Variants in AFF4 observed in about 807,000 individuals in gnomAD.
The protein encoded by AFF4 is AF4/FMR2 family member 4.
A neutral mutation model predicts 124.8 loss-of-function variants in AFF4; 13 were observed. The observed-to-expected ratio is 0.10, with a 90% CI of 0.07 to 0.17. The LOEUF (loss-of-function observed/expected upper bound fraction) is 0.17. AFF4 is among the 10% of genes least tolerant of loss of function. The pLI, the probability that AFF4 is intolerant of heterozygous loss-of-function variation, is 1.00. For missense variants in AFF4, 1,092 were observed against 1,403.8 expected (o/e 0.78, Z 3.55); for synonymous variants, 477 against 496.1 (o/e 0.96, Z 0.51).
Position 132,886,406 on chromosome 5 carries a change from AG to A in AFF4, c.3006-4del. The A allele has an allele frequency of 6.2e-7, 1 of 1,613,466 alleles. No individual in the cohort carries two copies. The highest frequency in any genetic ancestry group is 8.5e-7 in the Non-Finnish European group (1 of 1,179,848). On this transcript the variant is annotated splice_polypyrimidine_tract_variant and splice_region_variant and intron_variant, in intron 17 of 20. Coordinates refer to ENST00000265343, the MANE Select transcript of AFF4 (RefSeq NM_014423.4). The stretch of plus-strand genomic sequence containing the variant: ...ACAGCAAAGACTCGCATCGCAGGCT[AG>A]CCAATGGAAAAGGGCGGCTTATTTA...
At chr5:132,902,329 T>G (rs1294207654) in intron 7 of AFF4, 113 bp downstream of exon 7, 4 of 853,380 alleles carry the variant, frequency 4.7e-6, no homozygotes, top group Non-Finnish European at 7.5e-6. Context: ...ATTACAGGTG[T>G]CAGCCACCCT....
At chr5:132,887,429 TGATTCAAGG>T in intron 17 of AFF4, 83 bp downstream of exon 17, 1 of 1,190,460 alleles carries the variant, frequency 8.4e-7, no homozygotes, top group Non-Finnish European at 1.2e-6. Context: ...TACAGAAGTC[TGATTCAAGG>T]AAAACATTCA....
chr5:132,910,220 G>A (rs1760762410), intron 5 of AFF4, among the ~76,000 whole-genome samples: 1 of 152,178 alleles, frequency 6.6e-6, no homozygotes, highest in African/African-American at 2.4e-5. Context: ...ATGGAACAGA[G>A]GGATTGAATT....
At chr5:132,918,667 A>C (rs1760971711) in intron 5 of AFF4, among the ~76,000 whole-genome samples, 1 of 152,098 alleles carries the variant, frequency 6.6e-6, no homozygotes, top group African/African-American at 2.4e-5. Context: ...CAAAAAGATA[A>C]CTCTAACAAA....
In AFF4 at chr5:132,909,537, C is replaced by CGT. The variant is rs144739211; in HGVS notation, c.1051-5135_1051-5134dup. On this transcript the variant is annotated intron_variant, in intron 5 of 20. Transcript: ENST00000265343. ...ATATAGCATATTTCGTGGTGGTGTG[C>CGT]GTGTGTGTGTGTGTATCTGTGTGTG... Among the ~76,000 whole-genome samples, 22 of 151,120 alleles carry CGT rather than the reference C, an allele frequency of 1.5e-4. No individual in the cohort carries two copies. The East Asian group carries it at 1.6e-3, about 11-fold the overall frequency.
chr5:132,934,088 A>C, intron 3 of AFF4, 59 bp downstream of exon 3: 1 of 1,517,006 alleles, frequency 6.6e-7, no homozygotes, highest in Non-Finnish European at 8.9e-7. Context: ...TCGTAATTTC[A>C]TGATCAGTCA....
chr5:132,942,450 T>C (rs1030837455), intron 1 of AFF4, among the ~76,000 whole-genome samples: 1 of 148,892 alleles, frequency 6.7e-6, no homozygotes, highest in African/African-American at 2.5e-5. Context: ...CTGAACTCAG[T>C]CCTTTTGACC....
intron 5 of AFF4, among the ~76,000 whole-genome samples, chr5:132,911,238 T>G (rs1760785599): frequency 6.6e-6 from 1 of 152,206 alleles, no homozygotes; most frequent in Non-Finnish European, 1.5e-5. Flanking sequence ...CTCTGTTTGC[T>G]TCAAAAGACA....
At chr5:132,961,576 A>T (rs1304015614) in intron 1 of AFF4, among the ~76,000 whole-genome samples, 1 of 152,220 alleles carries the variant, frequency 6.6e-6, no homozygotes, top group African/African-American at 2.4e-5. Flanking sequence ...TACACAGAAG[A>T]GAATGTATCA....
Position 132,927,214 on chromosome 5 carries a change from T to G in AFF4, c.964-7A>C. On this transcript the variant is annotated splice_region_variant and splice_polypyrimidine_tract_variant and intron_variant, in intron 4 of 20. Transcript: ENST00000265343. ...GCCATGAATGCGTCATCTCCTGAAA[T>G]GTAATTATTACAGTTTGTTTTCAAC... 2 of 1,609,188 alleles carry G rather than the reference T, an allele frequency of 1.2e-6. No homozygotes were observed. Among genetic ancestry groups the G allele is most frequent in the Non-Finnish European group, 1.7e-6 (2 of 1,178,048 alleles).
rs375026669 is a variant in AFF4, at chr5:132,937,205, A to G, written c.-4-12T>C. On this transcript the variant is annotated splice_polypyrimidine_tract_variant and intron_variant, in intron 1 of 20. Coordinates refer to ENST00000265343, the MANE Select transcript of AFF4 (RefSeq NM_014423.4). The stretch of plus-strand genomic sequence containing the variant: ...CACGGTTCATGTTGCTATGAAAAGA[A>G]ACACAATCTTTGTATCACAGAAATA... 8.8e-6 allele frequency: 14 copies of G among 1,597,976 alleles called. No individual in the cohort carries two copies. The highest frequency in any genetic ancestry group is 1.1e-5 in the Non-Finnish European group (13 of 1,169,122).
chr5:132,948,059 C>CT lies in AFF4; in HGVS notation c.-4-10867dup, dbSNP rs1370730047. ...CCCTCAAAGTTTCCCAGAAATTGTGCTTTTTTTTTTGAGATGGAGTCTTGC... is the reference window on the plus strand; with the variant it reads ...CCCTCAAAGTTTCCCAGAAATTGTGCTTTTTTTTTTTGAGATGGAGTCTTGC... On this transcript the variant is annotated intron_variant, in intron 1 of 20. Transcript: ENST00000265343. 6.2e-4 allele frequency among the ~76,000 whole-genome samples: 93 copies of CT among 148,824 alleles called. 1 individual carries two copies. The highest frequency in any genetic ancestry group is 1.2e-3 in the African/African-American group (48 of 40,622).
intron 5 of AFF4, chr5:132,926,159 C>T: frequency 2.6e-6 from 1 of 379,588 alleles, no homozygotes. Context: ...TAAGAAAATG[C>T]TTACATGTAA....
chr5:132,891,976 T>C, intron 13 of AFF4, 188 bp downstream of exon 13: 2 of 886,100 alleles, frequency 2.3e-6, no homozygotes, highest in Non-Finnish European at 3.4e-6. Flanking sequence ...TGTGACCAGC[T>C]GACTTACCAC....
Position 132,934,798 on chromosome 5 carries a change from T to C in AFF4, c.267A>G (p.Lys89=), listed in dbSNP as rs1761388052. ...KPTVPPSADE[K]SNPNFFEQRH... ...TCTGTTCAAAGAAATTTGGGTTAGA[T>C]TTTTCATCTGCTGATGGTGGTACTG... is the stretch of plus-strand genomic sequence containing the variant. The change falls in exon 3 of 21, where the codon AAA becomes AAG. Residue 89 remains lysine, a synonymous_variant. Coordinates refer to ENST00000265343, the MANE Select transcript of AFF4 (RefSeq NM_014423.4). The C allele has an allele frequency of 6.2e-7, 1 of 1,614,026 alleles. No individual in the cohort carries two copies. Among genetic ancestry groups the C allele is most frequent in the African/African-American group, 1.3e-5 (1 of 74,914 alleles).
intron 2 of AFF4, 105 bp from the exon 3 acceptor site, chr5:132,935,046 A>G: frequency 2.2e-6 from 2 of 897,100 alleles, no homozygotes; most frequent in South Asian, 2.2e-5. Context: ...GGGCTTTTCA[A>G]AGGGAGGCTT....
intron 18 of AFF4, 24 bp from the exon 19 acceptor site, chr5:132,885,143 TAAC>T: frequency 6.4e-7 from 1 of 1,565,898 alleles, no homozygotes; most frequent in East Asian, 2.3e-5. Context: ...AAAATGTACT[TAAC>T]AACAACAAAA....
rs1384880869 is a variant in AFF4 at position 132,939,692 on chromosome 5, C to A, written c.-4-2499G>T. Among the ~76,000 whole-genome samples, 37 of 152,360 alleles carry A rather than the reference C, an allele frequency of 2.4e-4. No individual in the cohort carries two copies. In the East Asian group the frequency reaches 7.1e-3, roughly 29 times the overall value. The stretch of plus-strand genomic sequence containing the variant: ...ATGGCACGATCTCGGCTCACTGCAA[C>A]CTCCACCACCCAGGTTCAATTGATT... On this transcript the variant is annotated intron_variant, in intron 1 of 20. Coordinates refer to ENST00000265343, the MANE Select transcript of AFF4 (RefSeq NM_014423.4).
At chr5:132,942,276 A>C (rs1049266964) in intron 1 of AFF4, among the ~76,000 whole-genome samples, 1 of 152,194 alleles carries the variant, frequency 6.6e-6, no homozygotes, top group Non-Finnish European at 1.5e-5. Flanking sequence ...AAACCTGGTT[A>C]CTAGGCTCTT....
Sources: allele counts gnomAD v4.1 joint callset (sites outside exome capture counted in the v4.1 genomes callset), GRCh38; gene constraint gnomAD v4.1.1; transcripts MANE v1.5; gene names NCBI Gene and HGNC (gene_info 2026-07-23, HGNC 2026-07-21).